METTL24: variants seen among roughly 807,000 people sequenced by gnomAD.
METTL24 encodes the protein probable methyltransferase-like protein 24.
In METTL24, 29 loss-of-function variants were observed where a neutral mutation model predicts 32.7. The observed-to-expected ratio is 0.89, with a 90% CI of 0.66 to 1.21. The LOEUF (loss-of-function observed/expected upper bound fraction) is 1.21, where lower values mean the gene tolerates loss of function less well. Ranked by LOEUF, METTL24 falls within the 50% of genes most tolerant of loss-of-function variation. METTL24 has a pLI of 0.00. For missense variants in METTL24, 439 were observed against 468.1 expected (o/e 0.94, Z 0.57); for synonymous variants, 163 against 179.5 (o/e 0.91, Z 0.73).
intron 1 of METTL24, among the ~76,000 whole-genome samples, chr6:110,348,262 T>C (rs1328783728): frequency 6.6e-6 from 1 of 152,244 alleles, no homozygotes. Flanking sequence ...AGAGAGGATA[T>C]GCCACTTGTC....
At chr6:110,268,930 T>C (rs1444128842) in intron 4 of METTL24, among the ~76,000 whole-genome samples, 1 of 152,150 alleles carries the variant, frequency 6.6e-6, no homozygotes, top group East Asian at 1.9e-4. Context: ...TGCTATTCTC[T>C]TTCATTCTTA....
At chr6:110,301,562 C>T (rs1449600407) in intron 3 of METTL24, among the ~76,000 whole-genome samples, 2 of 152,118 alleles carry the variant, frequency 1.3e-5, no homozygotes, top group Non-Finnish European at 2.9e-5. Flanking sequence ...CCAGCCAGTC[C>T]ACCGGCCCTC....
intron 1 of METTL24, among the ~76,000 whole-genome samples, chr6:110,337,561 G>C (rs1772262539): frequency 6.6e-6 from 1 of 152,188 alleles, no homozygotes; most frequent in African/African-American, 2.4e-5. Flanking sequence ...GTCTTATGCA[G>C]ATTCTTGGAT....
intron 1 of METTL24, among the ~76,000 whole-genome samples, chr6:110,338,669 A>G (rs1772288106): frequency 1.3e-5 from 2 of 152,232 alleles, no homozygotes; most frequent in African/African-American, 4.8e-5. Flanking sequence ...AAAAATTAGC[A>G]TTTGTTTTAA....
intron 3 of METTL24, among the ~76,000 whole-genome samples, chr6:110,306,170 AGGGGAGGGATAGCATTAG>A (rs1176030306): frequency 6.8e-6 from 1 of 148,044 alleles, no homozygotes; most frequent in Non-Finnish European, 1.5e-5. Context: ...GTGGGGGGCA[AGGGGAGGGATAGCATTAG>A]GAGAAATACC....
chr6:110,320,598 CCTT>C (rs1771914589), intron 2 of METTL24, among the ~76,000 whole-genome samples: 1 of 152,242 alleles, frequency 6.6e-6, no homozygotes, highest in African/African-American at 2.4e-5. Flanking sequence ...GGACAAAAAT[CCTT>C]CTAGTGAGCT....
chr6:110,307,964 A>G (rs1771654064), intron 3 of METTL24, among the ~76,000 whole-genome samples: 1 of 152,236 alleles, frequency 6.6e-6, no homozygotes, highest in Admixed American at 6.5e-5. Context: ...AAGGACCATT[A>G]AATCTGAGAG....
At chr6:110,259,579 A>C (rs1778451750) in intron 4 of METTL24, among the ~76,000 whole-genome samples, 2 of 152,246 alleles carry the variant, frequency 1.3e-5, no homozygotes, top group South Asian at 4.1e-4. Flanking sequence ...AAACCTCTGC[A>C]GACTTAAATG....
At chr6:110,304,432 G>C (rs1210466641) in intron 3 of METTL24, among the ~76,000 whole-genome samples, 4 of 152,160 alleles carry the variant, frequency 2.6e-5, no homozygotes, top group Non-Finnish European at 5.9e-5. Flanking sequence ...TAAAAGGTTA[G>C]AAGAATTGCT....
chr6:110,252,646 T>C (rs1386124126), intron 4 of METTL24, among the ~76,000 whole-genome samples: 1 of 152,208 alleles, frequency 6.6e-6, no homozygotes, highest in Non-Finnish European at 1.5e-5. Context: ...GCCTGTAGTG[T>C]CTCCTCTATA....
intron 3 of METTL24, among the ~76,000 whole-genome samples, chr6:110,307,997 G>T (rs1246408390): frequency 1.4e-4 from 21 of 152,126 alleles, no homozygotes. Context: ...TAGGAAGGGG[G>T]AGATTTATAG....
At chr6:110,332,517 TA>T (rs1772126746) in intron 1 of METTL24, 1 of 981,828 alleles carries the variant, frequency 1.0e-6, no homozygotes, top group South Asian at 4.7e-5. Flanking sequence ...GCATACGTAG[TA>T]AAGTTTCAGA....
intron 1 of METTL24, chr6:110,332,337 TC>T (rs1772123450): frequency 5.4e-6 from 1 of 184,830 alleles, no homozygotes; most frequent in African/African-American, 2.4e-5. Context: ...TCAAAATGGT[TC>T]AAATGTGAGC....
chr6:110,310,258 C>G (rs1332023038), intron 3 of METTL24, among the ~76,000 whole-genome samples: 3 of 152,156 alleles, frequency 2.0e-5, no homozygotes, highest in Admixed American at 6.5e-5. Flanking sequence ...AAGGCACAAC[C>G]TACTACAAAA....
chr6:110,326,898 G>A (rs1327626978), intron 1 of METTL24, among the ~76,000 whole-genome samples: 3 of 152,210 alleles, frequency 2.0e-5, no homozygotes, highest in Admixed American at 2.0e-4. Flanking sequence ...GTGGAGCAGG[G>A]TGGAGGTTGG....
At chr6:110,342,324 G>T (rs1772375841) in intron 1 of METTL24, among the ~76,000 whole-genome samples, 1 of 152,188 alleles carries the variant, frequency 6.6e-6, no homozygotes, top group South Asian at 2.1e-4. Context: ...AAGTTCACCA[G>T]CAGCCAGAAG....
chr6:110,357,884 G>A (rs1472073414), intron 1 of METTL24, 71 bp downstream of exon 1: 1 of 916,810 alleles, frequency 1.1e-6, no homozygotes. Flanking sequence ...GGACCTGAGC[G>A]CCGGGCTCCG....
chr6:110,316,738 A>C (rs1771826147), intron 2 of METTL24, among the ~76,000 whole-genome samples: 2 of 152,164 alleles, frequency 1.3e-5, no homozygotes, highest in African/African-American at 4.8e-5. Context: ...TCTACAAAAA[A>C]TATAAACATT....
chr6:110,351,840 A>T (rs1772609898), intron 1 of METTL24, among the ~76,000 whole-genome samples: 1 of 152,212 alleles, frequency 6.6e-6, no homozygotes, highest in Admixed American at 6.5e-5. Context: ...AAGAATTCAG[A>T]AAGCTGGGAT....
Sources: allele counts gnomAD v4.1 joint callset (sites outside exome capture counted in the v4.1 genomes callset), GRCh38; gene constraint gnomAD v4.1.1; transcripts MANE v1.5; gene names NCBI Gene and HGNC (gene_info 2026-07-23, HGNC 2026-07-21).